Variants in QTMAN observed in about 807,000 individuals in gnomAD.
QTMAN encodes tRNA-queuosine alpha-mannosyltransferase.
At chr2:144,184,544 C>T in the QTMAN span, among the ~76,000 whole-genome samples, 7 of 151,946 alleles carry the variant, frequency 4.6e-5, no homozygotes, top group East Asian at 3.9e-4. Flanking sequence ...TATTTGAACA[C>T]GGTTAATACA....
At chr2:144,115,721 G>A in the QTMAN span, among the ~76,000 whole-genome samples, 4 of 152,180 alleles carry the variant, frequency 2.6e-5, no homozygotes, top group East Asian at 7.7e-4. Flanking sequence ...CCTTTCTGCA[G>A]CACTTTTGTC....
the QTMAN span, among the ~76,000 whole-genome samples, chr2:144,148,098 A>T: frequency 6.6e-6 from 1 of 151,850 alleles, no homozygotes; most frequent in Non-Finnish European, 1.5e-5. Flanking sequence ...AAATTTGAAT[A>T]TGGGCTAATT....
At chr2:143,991,484 C>A in the QTMAN span, among the ~76,000 whole-genome samples, 6 of 134,738 alleles carry the variant, frequency 4.5e-5, no homozygotes, top group African/African-American at 1.4e-4. Flanking sequence ...AGGTGAGGGG[C>A]GCCTCTGCCC....
At chr2:144,051,866 T>C in the QTMAN span, among the ~76,000 whole-genome samples, 6 of 152,216 alleles carry the variant, frequency 3.9e-5, no homozygotes, top group South Asian at 1.2e-3. Context: ...ACCATGCTGG[T>C]GCTAGAGCAG....
At chr2:144,063,798 T>C in the QTMAN span, among the ~76,000 whole-genome samples, 1 of 152,196 alleles carries the variant, frequency 6.6e-6, no homozygotes, top group African/African-American at 2.4e-5. Context: ...TGTGCTTTAG[T>C]AATCTGAATA....
At chr2:143,966,003 G>A in the QTMAN span, among the ~76,000 whole-genome samples, 1 of 152,194 alleles carries the variant, frequency 6.6e-6, no homozygotes, top group Non-Finnish European at 1.5e-5. Flanking sequence ...TCTATTGCAT[G>A]CCTGAAACTG....
the QTMAN span, among the ~76,000 whole-genome samples, chr2:143,962,538 G>A: frequency 1.3e-5 from 2 of 152,102 alleles, no homozygotes; most frequent in Non-Finnish European, 2.9e-5. Flanking sequence ...GGATGTTCTA[G>A]GTTTAGAAAG....
the QTMAN span, among the ~76,000 whole-genome samples, chr2:144,182,362 C>T: frequency 3.9e-5 from 6 of 151,952 alleles, no homozygotes; most frequent in East Asian, 3.9e-4. Flanking sequence ...TAGAAGTGGA[C>T]GGGCATTGTG....
At chr2:143,965,060 CTTTT>C in the QTMAN span, among the ~76,000 whole-genome samples, 2 of 142,386 alleles carry the variant, frequency 1.4e-5, no homozygotes, top group African/African-American at 5.1e-5. Context: ...TGTTCTTCTT[CTTTT>C]TTTTTTTTTA....
chr2:144,056,088 G>A, the QTMAN span, among the ~76,000 whole-genome samples: 1 of 152,100 alleles, frequency 6.6e-6, no homozygotes, highest in South Asian at 2.1e-4. Context: ...GATACACAGT[G>A]AGCTATGCTA....
the QTMAN span, among the ~76,000 whole-genome samples, chr2:144,146,919 C>T: frequency 6.6e-6 from 1 of 151,876 alleles, no homozygotes; most frequent in Non-Finnish European, 1.5e-5. Context: ...AGGGCTCAAA[C>T]TGCTTTTCAT....
At chr2:144,088,581 C>G in the QTMAN span, among the ~76,000 whole-genome samples, 1 of 151,986 alleles carries the variant, frequency 6.6e-6, no homozygotes, top group Non-Finnish European at 1.5e-5. Flanking sequence ...TATTACAAGT[C>G]TACAGTAAAC....
At chr2:144,159,621 A>G in the QTMAN span, among the ~76,000 whole-genome samples, 1 of 152,134 alleles carries the variant, frequency 6.6e-6, no homozygotes, top group Non-Finnish European at 1.5e-5. Context: ...TGAGTTCAGA[A>G]GAGAAGAGCC....
At chr2:144,308,593 C>T in the QTMAN span, among the ~76,000 whole-genome samples, 1 of 152,088 alleles carries the variant, frequency 6.6e-6, no homozygotes, top group Non-Finnish European at 1.5e-5. Context: ...AAATCAGAGA[C>T]CTAATGTAAA....
the QTMAN span, among the ~76,000 whole-genome samples, chr2:144,246,899 G>A: frequency 6.6e-6 from 1 of 152,202 alleles, no homozygotes; most frequent in Non-Finnish European, 1.5e-5. Context: ...CTTTGCAAGA[G>A]CAAGCTGGAA....
At chr2:144,324,930 G>C in the QTMAN span, among the ~76,000 whole-genome samples, 1 of 150,852 alleles carries the variant, frequency 6.6e-6, no homozygotes, top group Non-Finnish European at 1.5e-5. Flanking sequence ...ATAGCTTTCA[G>C]ATGCCAGGAG....
At chr2:143,992,160 T>C in the QTMAN span, among the ~76,000 whole-genome samples, 1 of 151,464 alleles carries the variant, frequency 6.6e-6, no homozygotes, top group Non-Finnish European at 1.5e-5. Context: ...GAAGTAGACA[T>C]GGGAGACTTT....
chr2:144,311,135 T>C, the QTMAN span, among the ~76,000 whole-genome samples: 1 of 152,180 alleles, frequency 6.6e-6, no homozygotes, highest in Non-Finnish European at 1.5e-5. Context: ...AAGGTGTGTA[T>C]TTAAGATAAT....
At chr2:144,006,578 C>T in the QTMAN span, 2 of 152,028 alleles carry the variant, frequency 1.3e-5, no homozygotes, top group Non-Finnish European at 2.9e-5. Context: ...TTATAGGAGC[C>T]AGGGTTAAGT....
Sources: allele counts gnomAD v4.1 joint callset (sites outside exome capture counted in the v4.1 genomes callset), GRCh38; gene constraint gnomAD v4.1.1; transcripts MANE v1.5; gene names NCBI Gene and HGNC (gene_info 2026-07-23, HGNC 2026-07-21).